MATN4: variants seen among roughly 807,000 people sequenced by gnomAD.
MATN4 encodes matrilin 4.
MATN4 carries 40 observed loss-of-function variants against 54.6 expected under a neutral mutation model. The ratio of observed to expected loss-of-function variants is 0.73; its 90% confidence interval spans 0.57 to 0.95. MATN4 has a LOEUF of 0.95. MATN4 is among the 40% of genes least tolerant of loss of function. The pLI, the probability that MATN4 is intolerant of heterozygous loss-of-function variation, is 0.00. For synonymous variants in MATN4, 351 were observed against 345.3 expected (o/e 1.02, Z -0.18); for missense variants, 810 against 819.1 (o/e 0.99, Z 0.13).
chr20:45,302,273 A>G (rs1055082087), intron 3 of MATN4, among the ~76,000 whole-genome samples: 1 of 152,200 alleles, frequency 6.6e-6, no homozygotes, highest in Admixed American at 6.5e-5. Flanking sequence ...TCATCAAATC[A>G]GAGTTCAAGC....
At chr20:45,293,884 C>A (rs1220405572) in intron 9 of MATN4, 24 bp downstream of exon 9, 31 of 1,606,646 alleles carry the variant, frequency 1.9e-5, no homozygotes, top group Non-Finnish European at 2.2e-5. Context: ...CCCTCCAGCC[C>A]GCGCCACCAG....
Position 45,308,213 on chromosome 20 carries a change from C to T in MATN4, c.-73G>A, listed in dbSNP as rs770114098. 5.8e-5 allele frequency: 94 copies of T among 1,613,888 alleles called. No individual in the cohort carries two copies. Among genetic ancestry groups the T allele is most frequent in the Non-Finnish European group, 7.4e-5 (87 of 1,179,904 alleles). ...ACAGATCAGAGATGCAGCTGCAGAG[C>T]GAAGCCGACAGGCGGAGCCTCCCGG... On this transcript the variant is annotated 5_prime_UTR_variant, in exon 1 of 10. Transcript: ENST00000372756.
chr20:45,307,606 T>G (rs1459334865), intron 1 of MATN4, among the ~76,000 whole-genome samples: 1 of 152,162 alleles, frequency 6.6e-6, no homozygotes, highest in Non-Finnish European at 1.5e-5. Flanking sequence ...TTGGTTAAGG[T>G]TCCCCTCATC....
rs1986494246 is a variant in MATN4, at chr20:45,304,947, G to A, written c.74-150C>T. 7 of 567,692 alleles carry A rather than the reference G, an allele frequency of 1.2e-5. No individual in the cohort carries two copies. The South Asian group carries it at 1.7e-4, about 14-fold the overall frequency. 35.2% of individuals were successfully genotyped at this position (567,692 alleles called of 1,614,324 possible). A position where few individuals can be genotyped will look rare whatever the true frequency, so the allele number is the denominator to read the frequency against. ...TTAGACAGATGCACTCGCCCGGCAT[G>A]TGCCTAGCACCTGGGCTAGGAGATT... On this transcript the variant is annotated intron_variant, in intron 2 of 9. Transcript: ENST00000372756.
In MATN4 at chr20:45,293,776, G is replaced by A; in HGVS notation, c.1737C>T (p.Asn579=). The part of the protein sequence containing the change: ...RLEDLENQLA[N]QK ...GGGCCGTCCGTGGCCCTCACTTCTG[G>A]TTGGCCAGCTGGTTCTCCAGATCCT... Residue 579 remains asparagine (N), a synonymous_variant, in exon 10 of 10, where the codon AAC becomes AAT. Coordinates refer to ENST00000372756, the MANE Select transcript of MATN4 (RefSeq NM_001393530.1). 6.8e-6 allele frequency: 11 copies of A among 1,608,578 alleles called. No homozygotes were observed. The highest frequency in any genetic ancestry group is 9.3e-6 in the Non-Finnish European group (11 of 1,179,650).
chr20:45,299,373 G>A (rs1205191323), intron 6 of MATN4, among the ~76,000 whole-genome samples: 1 of 152,220 alleles, frequency 6.6e-6, no homozygotes, highest in Admixed American at 6.5e-5. Context: ...CCCAAGGTAG[G>A]AATAGTGTAT....
At chr20:45,308,127 GCCTACTCCCCTGCAGAC>G (rs747805153) in intron 1 of MATN4, 31 bp downstream of exon 1, 10 of 1,589,184 alleles carry the variant, frequency 6.3e-6, no homozygotes, top group Middle Eastern at 1.7e-4. Context: ...CTGGCTTGAT[GCCTACTCCCCTGCAGAC>G]CCCTCAGTGC....
Position 45,298,411 on chromosome 20 carries a change from G to A in MATN4, c.1185C>T (p.Thr395=), listed in dbSNP as rs1986004789. The A allele has an allele frequency of 2.5e-6, 4 of 1,612,858 alleles. No individual in the cohort carries two copies. The Admixed American group carries it at 5.0e-5, about 20-fold the overall frequency. Residue 395 remains threonine (T), a synonymous_variant, in exon 7 of 10, where the codon ACC becomes ACT. Coordinates refer to ENST00000372756, the MANE Select transcript of MATN4 (RefSeq NM_001393530.1). This position sits in a 1 kb window ranked among gnomAD's most constrained non-coding sequence, Gnocchi z 4.6. ...GLVQFSSRVR[T]EFPLGRYGTA... is the part of the protein sequence containing the mutation. ...TGCCGTAGCGACCCAGAGGGAACTC[G>A]GTGCGCACGCGGCTCGAGAACTGCA...
In MATN4 at chr20:45,293,619, C is replaced by T; in HGVS notation, c.*148G>A. 1 of 701,716 alleles carries T rather than the reference C, an allele frequency of 1.4e-6. No homozygotes were observed. The highest frequency in any genetic ancestry group is 2.2e-6 in the Non-Finnish European group (1 of 445,856). The allele number at this position is 701,716 out of a possible 1,614,324, so 43.5% of individuals were successfully genotyped here. A position where few individuals can be genotyped will look rare whatever the true frequency, so the allele number is the denominator to read the frequency against. On this transcript the variant is annotated 3_prime_UTR_variant, in exon 10 of 10. Transcript: ENST00000372756. Reference sequence around the variant, plus strand: ...AATGGTCCGGGCGAGGCCAACTCAGCTCAATGCCGGAAGCCCGCCAGCGCC... The same window carrying T: ...AATGGTCCGGGCGAGGCCAACTCAGTTCAATGCCGGAAGCCCGCCAGCGCC...
At chr20:45,296,985 C>G (rs6104104) in intron 8 of MATN4, among the ~76,000 whole-genome samples, 1 of 151,866 alleles carries the variant, frequency 6.6e-6, no homozygotes, top group Non-Finnish European at 1.5e-5. Flanking sequence ...TGCCCACCAC[C>G]TTGCCCAGCT....
chr20:45,308,074 G>C, intron 1 of MATN4, 101 bp downstream of exon 1: 1 of 1,108,842 alleles, frequency 9.0e-7, no homozygotes, highest in East Asian at 2.4e-5. Context: ...AAATCAGATA[G>C]GGCACCCTAG....
Position 45,293,485 on chromosome 20 carries a change from A to G in MATN4, c.*282T>C, listed in dbSNP as rs944565243. ...TTTTTTTTATTTTTTTAAGAACACA[A>G]ACAAGAAATCCAACAAAGAACTGAG... On this transcript the variant is annotated 3_prime_UTR_variant, in exon 10 of 10. Transcript: ENST00000372756. The G allele has an allele frequency of 2.6e-5, 10 of 391,968 alleles. No homozygotes were observed. Among genetic ancestry groups the G allele is most frequent in the African/African-American group, 1.7e-4 (8 of 48,004 alleles). 24.3% of individuals were successfully genotyped at this position (391,968 alleles called of 1,614,324 possible).
intron 2 of MATN4, among the ~76,000 whole-genome samples, chr20:45,305,122 C>G (rs558542213): frequency 3.7e-4 from 56 of 152,266 alleles, no homozygotes; most frequent in East Asian, 1.2e-3. Flanking sequence ...GCTGGAGACC[C>G]AAAGAGCCCC....
At chr20:45,307,513 G>A (rs535222992) in intron 1 of MATN4, among the ~76,000 whole-genome samples, 1 of 152,254 alleles carries the variant, frequency 6.6e-6, no homozygotes, top group East Asian at 1.9e-4. Flanking sequence ...CAACATCCCT[G>A]GACAGCATGA....
chr20:45,302,427 T>C (rs556021510), intron 3 of MATN4, among the ~76,000 whole-genome samples: 1 of 152,356 alleles, frequency 6.6e-6, no homozygotes, highest in African/African-American at 2.4e-5. Context: ...ACTAACTTGG[T>C]ACTCAGTAAA....
At position 45,298,541 on chromosome 20, in the gene MATN4, C is replaced by A. The variant is rs1439004408; in HGVS notation, c.1055G>T (p.Gly352Val). 5 of 1,593,746 alleles carry A rather than the reference C, an allele frequency of 3.1e-6. No individual in the cohort carries two copies. The highest frequency in any genetic ancestry group is 3.4e-6 in the Non-Finnish European group (4 of 1,166,636). Residue 352 changes from glycine (G) to valine (V), a missense_variant, in exon 7 of 10, where the codon GGC becomes GTC. By Grantham distance (109) the Gly-to-Val change is moderately radical. Coordinates refer to ENST00000372756, the MANE Select transcript of MATN4 (RefSeq NM_001393530.1). The surrounding 1 kb of genome is among the most constrained non-coding windows in gnomAD (Gnocchi z 4.6). The stretch of plus-strand genomic sequence containing the variant: ...GTTTTGTGGACGCACGCTCTTGGAG[C>A]CATCAACCAGCAGAACAAGGTCCAC... Reference protein sequence around the residue: ...GHVDLVLLVDGSKSVRPQNFE... With the variant: ...GHVDLVLLVDVSKSVRPQNFE...
In MATN4 at chr20:45,294,151, T is replaced by C. The variant is rs1176179903; in HGVS notation, c.1580-136A>G. 4.5e-6 allele frequency: 3 copies of C among 667,992 alleles called. No individual in the cohort carries two copies. In the African/African-American group the frequency reaches 5.6e-5, roughly 12 times the overall value. The allele number at this position is 667,992 out of a possible 1,614,324, so 41.4% of individuals were successfully genotyped here. On this transcript the variant is annotated intron_variant, in intron 8 of 9. Coordinates refer to ENST00000372756, the MANE Select transcript of MATN4 (RefSeq NM_001393530.1). ...GACCTGGGCTGAGTCCCAAGCTAAG[T>C]AGCTGTGAGATACTGAAAAACTCAC... is the stretch of plus-strand genomic sequence containing the variant.
chr20:45,294,841 A>C (rs1985710138), intron 8 of MATN4, among the ~76,000 whole-genome samples: 2 of 152,162 alleles, frequency 1.3e-5, no homozygotes, highest in Non-Finnish European at 2.9e-5. Context: ...GCTGCTCCTC[A>C]TTGCTCCTAT....
rs1986219116 is a variant in MATN4 at position 45,301,336 on chromosome 20, G to C, written c.751C>G (p.Gln251Glu). The change falls in exon 4 of 10, where the codon CAG (glutamine) becomes GAG (glutamate). Residue 251 changes from glutamine (Q) to glutamate (E), a missense_variant. Gln to Glu is a conservative substitution (Grantham distance 29). Transcript: ENST00000372756. ...TGTTGCTCACCCCTGCAGCTCCTCT[G>C]GTCCTGCTGGAGTACAAAGCCAACT... ...CQVGFVLQQD[Q>E]RSCRAIDYCS... 6.2e-7 allele frequency: 1 copy of C among 1,614,146 alleles called. No individual in the cohort carries two copies. Among genetic ancestry groups the C allele is most frequent in the Non-Finnish European group, 8.5e-7 (1 of 1,180,028 alleles).
Sources: allele counts gnomAD v4.1 joint callset (sites outside exome capture counted in the v4.1 genomes callset), GRCh38; gene constraint gnomAD v4.1.1; non-coding constraint Gnocchi (gnomAD v3.1); transcripts MANE v1.5; gene names NCBI Gene and HGNC (gene_info 2026-07-23, HGNC 2026-07-21).